Variants in KCND2 observed in about 807,000 individuals in gnomAD.
KCND2 encodes potassium voltage-gated channel subfamily D member 2.
In KCND2, 16 loss-of-function variants were observed where a neutral mutation model predicts 54.4. The ratio of observed to expected loss-of-function variants is 0.29; its 90% CI spans 0.20 to 0.45. KCND2 has a LOEUF of 0.45. KCND2 is among the 20% of genes least tolerant of loss of function. The probability of loss-of-function intolerance (pLI) is 1.00; values close to 1 mark genes in which losing one functional copy is unlikely to be tolerated. For missense variants in KCND2, 486 were observed against 824.2 expected (o/e 0.59, Z 5.02); for synonymous variants, 317 against 310.7 (o/e 1.02, Z -0.21).
intron 1 of KCND2, among the ~76,000 whole-genome samples, chr7:120,539,590 T>C (rs185525444): frequency 6.6e-6 from 1 of 152,278 alleles, no homozygotes; most frequent in African/African-American, 2.4e-5. Flanking sequence ...CTGGAACCCA[T>C]TAATGGAGAC....
At chr7:120,512,328 CTA>C (rs1433868019) in intron 1 of KCND2, among the ~76,000 whole-genome samples, 1 of 151,558 alleles carries the variant, frequency 6.6e-6, no homozygotes, top group Non-Finnish European at 1.5e-5. Context: ...TTTGTTTTAA[CTA>C]TTACATATAA....
chr7:120,314,997 TACAC>T (rs1159262269), intron 1 of KCND2, among the ~76,000 whole-genome samples: 1 of 151,818 alleles, frequency 6.6e-6, no homozygotes, highest in African/African-American at 2.4e-5. Context: ...CATGCACACA[TACAC>T]ACACATCTAT....
chr7:120,292,730 G>T (rs905265243), intron 1 of KCND2, among the ~76,000 whole-genome samples: 4 of 151,850 alleles, frequency 2.6e-5, no homozygotes, highest in African/African-American at 9.7e-5. Context: ...TTCAAATTAG[G>T]TATTAAGAGG....
chr7:120,581,571 T>A (rs543707724), intron 1 of KCND2, among the ~76,000 whole-genome samples: 2 of 152,276 alleles, frequency 1.3e-5, no homozygotes, highest in South Asian at 4.1e-4. Flanking sequence ...GCCTGTCTGT[T>A]TGGAGAGAAG....
At chr7:120,652,837 G>A (rs1791755069) in intron 1 of KCND2, among the ~76,000 whole-genome samples, 1 of 152,168 alleles carries the variant, frequency 6.6e-6, no homozygotes, top group African/African-American at 2.4e-5. Context: ...GGAAGAAACT[G>A]CGATATCAAG....
intron 1 of KCND2, among the ~76,000 whole-genome samples, chr7:120,619,285 C>T (rs976155581): frequency 2.6e-5 from 4 of 152,080 alleles, no homozygotes; most frequent in African/African-American, 7.2e-5. Flanking sequence ...CAAAAATTAG[C>T]GGGACATGGT....
chr7:120,307,528 A>T (rs1281640712), intron 1 of KCND2, among the ~76,000 whole-genome samples: 1 of 152,098 alleles, frequency 6.6e-6, no homozygotes, highest in Non-Finnish European at 1.5e-5. Flanking sequence ...CTTGAAAATA[A>T]TTCCAAGAAC....
intron 1 of KCND2, among the ~76,000 whole-genome samples, chr7:120,583,094 T>C (rs1792540487): frequency 6.6e-6 from 1 of 152,130 alleles, no homozygotes; most frequent in Non-Finnish European, 1.5e-5. Context: ...CTCTTACTCA[T>C]AGTTAAGATG....
chr7:120,495,167 A>G (rs1008433184), intron 1 of KCND2, among the ~76,000 whole-genome samples: 1 of 152,114 alleles, frequency 6.6e-6, no homozygotes, highest in African/African-American at 2.4e-5. Flanking sequence ...ACCTGTAAAC[A>G]TTCTGTGTTT....
chr7:120,620,268 G>T (rs1304525517), intron 1 of KCND2, among the ~76,000 whole-genome samples: 2 of 151,554 alleles, frequency 1.3e-5, no homozygotes, highest in Non-Finnish European at 2.9e-5. Flanking sequence ...ACTTTTAAGA[G>T]CACTCAGACA....
chr7:120,581,905 G>T (rs1168085077), intron 1 of KCND2, among the ~76,000 whole-genome samples: 1 of 151,886 alleles, frequency 6.6e-6, no homozygotes, highest in Non-Finnish European at 1.5e-5. Context: ...ATAGAGACAG[G>T]GTTTCACCAT....
At chr7:120,471,941 A>G (rs1335995846) in intron 1 of KCND2, among the ~76,000 whole-genome samples, 1 of 151,900 alleles carries the variant, frequency 6.6e-6, no homozygotes, top group Non-Finnish European at 1.5e-5. Context: ...AAGAACAACT[A>G]GACTATAAGA....
chr7:120,394,136 G>T (rs1013256962), intron 1 of KCND2, among the ~76,000 whole-genome samples: 2 of 152,000 alleles, frequency 1.3e-5, no homozygotes, highest in Non-Finnish European at 2.9e-5. Flanking sequence ...CCGCATCATT[G>T]AAGTAAAGAG....
intron 1 of KCND2, among the ~76,000 whole-genome samples, chr7:120,301,115 TAAC>T (rs529432270): frequency 1.4e-3 from 206 of 152,174 alleles, no homozygotes; most frequent in Non-Finnish European, 2.4e-3. Context: ...CAATAACAAA[TAAC>T]AAATAATAAC....
chr7:120,526,187 G>T (rs1791770927), intron 1 of KCND2, among the ~76,000 whole-genome samples: 1 of 152,084 alleles, frequency 6.6e-6, no homozygotes, highest in Non-Finnish European at 1.5e-5. Context: ...CAATTCACCA[G>T]ACATCACTTT....
At chr7:120,687,296 G>T (rs968246652) in intron 1 of KCND2, among the ~76,000 whole-genome samples, 1 of 152,050 alleles carries the variant, frequency 6.6e-6, no homozygotes, top group Non-Finnish European at 1.5e-5. Flanking sequence ...ATAGGAAGTC[G>T]ATCTTCAGCA....
At chr7:120,727,262 T>G (rs1478711791) in intron 1 of KCND2, among the ~76,000 whole-genome samples, 2 of 152,206 alleles carry the variant, frequency 1.3e-5, no homozygotes, top group Non-Finnish European at 2.9e-5. Context: ...TCATGCAACT[T>G]CTGAACTAGT....
chr7:120,518,950 A>G (rs1803239959), intron 1 of KCND2, among the ~76,000 whole-genome samples: 1 of 152,118 alleles, frequency 6.6e-6, no homozygotes, highest in African/African-American at 2.4e-5. Flanking sequence ...GAGGAAACAG[A>G]GAGAAAGTAT....
chr7:120,506,313 G>A (rs1803017995), intron 1 of KCND2, among the ~76,000 whole-genome samples: 1 of 151,828 alleles, frequency 6.6e-6, no homozygotes, highest in Non-Finnish European at 1.5e-5. Context: ...GCCAAAGACA[G>A]TGGCTGGTTA....
Sources: gnomAD v4.1 joint callset for allele counts (sites outside exome capture counted in the v4.1 genomes callset) on GRCh38, gnomAD v4.1.1 for gene constraint, MANE v1.5 for transcripts, NCBI Gene and HGNC (gene_info 2026-07-23, HGNC 2026-07-21) for gene names.